The following MCF2L variants were observed in gnomAD, a reference collection of about 807,000 sequenced individuals.
MCF2L encodes the protein MCF.2 cell line derived transforming sequence like.
Under a neutral mutation model 153.4 loss-of-function variants are expected in MCF2L, and 97 were observed. The observed-to-expected ratio is 0.63, with a 90% CI of 0.54 to 0.75. The LOEUF is 0.75. Among genes scored for constraint, MCF2L ranks in the 30% least tolerant of loss-of-function variants. The pLI, the probability that MCF2L is intolerant of heterozygous loss-of-function variation, is 0.00. For missense variants in MCF2L, 1,347 were observed against 1,495.2 expected (o/e 0.90, Z 1.64); for synonymous variants, 659 against 632.2 (o/e 1.04, Z -0.64).
At chr13:112,989,110 G>T (rs1594511268) in intron 1 of MCF2L, among the ~76,000 whole-genome samples, 1 of 86,968 alleles carries the variant, frequency 1.1e-5, no homozygotes, top group Non-Finnish European at 2.5e-5. Flanking sequence ...TACCACACCG[G>T]AGTCCTCCCT....
intron 2 of MCF2L, chr13:112,956,858 G>T (rs1370752854): frequency 6.6e-6 from 1 of 152,234 alleles, no homozygotes; most frequent in Non-Finnish European, 1.5e-5. Flanking sequence ...AACTCTACAT[G>T]CATTTCGTAT....
intron 26 of MCF2L, chr13:113,090,014 C>T (rs1595018544): frequency 2.5e-6 from 4 of 1,601,798 alleles, no homozygotes; most frequent in Non-Finnish European, 2.6e-6. Flanking sequence ...GCCGGACCCG[C>T]CTCCGCATCG....
chr13:112,999,912 T>C (rs1197763215), intron 1 of MCF2L, among the ~76,000 whole-genome samples: 1 of 151,878 alleles, frequency 6.6e-6, no homozygotes, highest in African/African-American at 2.4e-5. Context: ...AGGGCTGAAG[T>C]GCGGGCGGCG....
intron 4 of MCF2L, among the ~76,000 whole-genome samples, chr13:113,049,263 AG>A (rs763561513): frequency 7.3e-5 from 10 of 136,824 alleles, no homozygotes; most frequent in Non-Finnish European, 1.5e-4. Flanking sequence ...TCACTGGTCA[AG>A]GGAGTGAGGG....
At chr13:112,968,592 G>A (rs1375915853), upstream of MCF2L, 2 of 1,536,638 alleles carry the variant, frequency 1.3e-6, no homozygotes, top group Admixed American at 1.9e-5. Context: ...CCCACGCATG[G>A]ACCCAGCGAC....
intron 2 of MCF2L, among the ~76,000 whole-genome samples, chr13:112,947,442 A>T (rs1296827781): frequency 6.6e-6 from 1 of 152,226 alleles, no homozygotes; most frequent in Non-Finnish European, 1.5e-5. Context: ...CATCTGATGC[A>T]AGTTCCTCTC....
chr13:112,921,878 T>G (rs571872769), intron 2 of MCF2L, among the ~76,000 whole-genome samples: 21 of 152,258 alleles, frequency 1.4e-4, no homozygotes, highest in African/African-American at 4.8e-4. Context: ...TCAGGAGGAT[T>G]ATATCAATAC....
intron 1 of MCF2L, among the ~76,000 whole-genome samples, chr13:112,984,080 T>C (rs1398588919): frequency 2.6e-5 from 4 of 152,230 alleles, no homozygotes; most frequent in African/African-American, 9.6e-5. Context: ...CTGCATGGCA[T>C]GGTGGCAGAG....
chr13:112,974,940 C>G (rs1254171264), intron 1 of MCF2L, among the ~76,000 whole-genome samples: 1 of 152,190 alleles, frequency 6.6e-6, no homozygotes, highest in East Asian at 1.9e-4. Flanking sequence ...TGTTTCGTTT[C>G]CTCCGCCGCC....
intron 2 of MCF2L, among the ~76,000 whole-genome samples, chr13:112,959,270 G>C (rs933315005): frequency 3.3e-5 from 5 of 151,964 alleles, no homozygotes; most frequent in African/African-American, 1.2e-4. Flanking sequence ...CGTCCTCCGG[G>C]TCTCTCCACT....
rs1385739637 is a variant in MCF2L at position 112,943,484 on chromosome 13, C to T, written c.169+41113C>T. On this transcript the variant is annotated intron_variant, in intron 2 of 29. Transcript: ENST00000375608. This position sits in a 1 kb window ranked among gnomAD's most constrained non-coding sequence, Gnocchi z 4.2. ...TTGCAGGGGCCGGGGCGCGGCGGCC[C>T]GGGCTTTGAGAGACGGGCCGCTCTT... Among the ~76,000 whole-genome samples the T allele has an allele frequency of 6.6e-6, 1 of 151,878 alleles. No homozygotes were observed. The highest frequency in any genetic ancestry group is 1.5e-5 in the Non-Finnish European group (1 of 67,918).
chr13:113,065,321 T>C, intron 7 of MCF2L: 3 of 538,876 alleles, frequency 5.6e-6, no homozygotes, highest in Non-Finnish European at 3.3e-6. Context: ...GATTGCTGGC[T>C]GCGCCTGCCA....
chr13:113,015,290 G>T (rs1434730954), intron 2 of MCF2L, among the ~76,000 whole-genome samples: 2 of 152,244 alleles, frequency 1.3e-5, no homozygotes, highest in African/African-American at 4.8e-5. Context: ...GGGACATAAT[G>T]AGGCTCCCAG....
At chr13:112,979,597 C>G (rs903068057) in intron 1 of MCF2L, 4 of 1,600,550 alleles carry the variant, frequency 2.5e-6, no homozygotes, top group Non-Finnish European at 2.6e-6. Context: ...ATCAGGGGGT[C>G]GCCTGTGGTC....
rs776650274 is a variant in MCF2L at position 113,088,284 on chromosome 13, G to C, written c.2689-43G>C. On this transcript the variant is annotated intron_variant, in intron 23 of 29. Coordinates refer to ENST00000535094, the MANE Select transcript of MCF2L (RefSeq NM_001112732.3). Reference sequence around the variant, plus strand: ...GTGAAACCAAAGCGTGTTTCCTCGGGGGCCTGAGTACTCACCTCCTGGCGT... The same window carrying C: ...GTGAAACCAAAGCGTGTTTCCTCGGCGGCCTGAGTACTCACCTCCTGGCGT... 3 of 1,499,758 alleles carry C rather than the reference G, an allele frequency of 2.0e-6. No homozygotes were observed. In the South Asian group the frequency reaches 3.4e-5, roughly 17 times the overall value. The allele number at this position is 1,499,758 out of a possible 1,614,324, so 92.9% of individuals were successfully genotyped here. A position where few individuals can be genotyped will look rare whatever the true frequency, so the allele number is the denominator to read the frequency against.
intron 2 of MCF2L, among the ~76,000 whole-genome samples, chr13:112,931,809 G>A (rs190831277): frequency 1.3e-5 from 2 of 152,126 alleles, no homozygotes; most frequent in African/African-American, 4.8e-5. Flanking sequence ...CCAAACCCAC[G>A]TGGATGGGGG....
intron 1 of MCF2L, among the ~76,000 whole-genome samples, chr13:113,000,457 C>T (rs555016067): frequency 1.3e-4 from 20 of 152,320 alleles, no homozygotes; most frequent in South Asian, 2.1e-4. Context: ...TTAGGCATCC[C>T]TCCCCTAAGT....
intron 2 of MCF2L, among the ~76,000 whole-genome samples, chr13:112,916,814 C>A (rs987958841): frequency 6.6e-6 from 1 of 152,162 alleles, no homozygotes; most frequent in African/African-American, 2.4e-5. Context: ...TCCCCATCCT[C>A]ACTTCTAATG....
chr13:113,094,941 C>A, intron 27 of MCF2L: 1 of 1,383,092 alleles, frequency 7.2e-7, no homozygotes, highest in Non-Finnish European at 9.7e-7. Flanking sequence ...GTCTCAGCAG[C>A]ACTTTGTGTT....
Sources: allele counts gnomAD v4.1 joint callset (sites outside exome capture counted in the v4.1 genomes callset), GRCh38; gene constraint gnomAD v4.1.1; non-coding constraint Gnocchi (gnomAD v3.1); transcripts MANE v1.5; gene names NCBI Gene and HGNC (gene_info 2026-07-23, HGNC 2026-07-21).